The following CNTN4 variants were observed in gnomAD, a reference collection of about 807,000 sequenced individuals.
CNTN4 encodes the protein contactin 4.
CNTN4 carries 77 observed loss-of-function variants against 122.5 expected under a neutral mutation model. The ratio of observed to expected loss-of-function variants is 0.63; its 90% CI spans 0.52 to 0.76. The LOEUF (loss-of-function observed/expected upper bound fraction) is 0.76. CNTN4 is among the 30% of genes least tolerant of loss of function. The pLI is 0.00. For synonymous variants in CNTN4, 512 were observed against 447.0 expected (o/e 1.15, Z -1.83); for missense variants, 1,256 against 1,259.1 (o/e 1.00, Z 0.04).
chr3:2,247,080 A>G (rs915084078), intron 2 of CNTN4, among the ~76,000 whole-genome samples: 1 of 152,044 alleles, frequency 6.6e-6, no homozygotes, highest in African/African-American at 2.4e-5. Context: ...GTGTTCTACT[A>G]TATATTTACA....
Position 3,040,255 on chromosome 3 carries a change from G to A in CNTN4, c.2382G>A (p.Val794=), listed in dbSNP as rs772360925. The A allele has an allele frequency of 1.4e-5, 22 of 1,612,412 alleles. 2 individuals carry two copies. In the South Asian group the frequency reaches 1.6e-4, roughly 12 times the overall value. ...GCCCTTTCAGTCCCACCACGGTGGTGTATTCTGCAGAAGAAGGTATCGTTT... is the reference window on the plus strand; with the variant it reads ...GCCCTTTCAGTCCCACCACGGTGGTATATTCTGCAGAAGAAGGTATCGTTT... The part of the protein sequence containing the change: ...GEGPFSPTTV[V]YSAEEEPTKP... Residue 794 remains valine (V), a synonymous_variant, in exon 20 of 25, where the codon GTG becomes GTA. Transcript: ENST00000418658.
Position 2,598,818 on chromosome 3 carries a change from AAAGGGG to A in CNTN4, c.55+27261_55+27266del, listed in dbSNP as rs1410581324. Among the ~76,000 whole-genome samples, 247 of 152,334 alleles carry A rather than the reference AAAGGGG, an allele frequency of 1.6e-3. 1 individual carries two copies. The highest frequency in any genetic ancestry group is 5.0e-3 in the African/African-American group (206 of 41,586). ...AATGTCCCTCCAACATATATACATGAAAGGGGTATTAAAGATCCACTCTCTTGGTTT... is the reference window on the plus strand; with the variant it reads ...AATGTCCCTCCAACATATATACATGATATTAAAGATCCACTCTCTTGGTTT... On this transcript the variant is annotated intron_variant, in intron 4 of 24. Transcript: ENST00000418658.
In CNTN4 at chr3:2,300,974, G is replaced by T. The variant is rs551809259; in HGVS notation, c.-144-38204G>T. Among the ~76,000 whole-genome samples the T allele has an allele frequency of 9.9e-5, 15 of 152,222 alleles. No individual in the cohort carries two copies. In the South Asian group the frequency reaches 3.1e-3, roughly 32 times the overall value. On this transcript the variant is annotated intron_variant, in intron 2 of 24. Transcript: ENST00000418658. ...CAGATAGGAACTTGATTTACCTGCA[G>T]GAAGTGACAGCTTAGTAAATGATCC...
At chr3:3,011,619 A>G (rs1039425130) in intron 14 of CNTN4, among the ~76,000 whole-genome samples, 3 of 152,134 alleles carry the variant, frequency 2.0e-5, no homozygotes, top group African/African-American at 7.2e-5. Context: ...TCCTTATGAT[A>G]CTTTCACTAG....
intron 13 of CNTN4, among the ~76,000 whole-genome samples, chr3:2,980,594 G>A (rs1462326992): frequency 1.3e-5 from 2 of 152,150 alleles, no homozygotes; most frequent in Non-Finnish European, 2.9e-5. Flanking sequence ...TTAAAGCGGC[G>A]CTGTTGTCTG....
chr3:2,626,460 G>A (rs1000014272), intron 4 of CNTN4, among the ~76,000 whole-genome samples: 3 of 149,748 alleles, frequency 2.0e-5, no homozygotes, highest in Admixed American at 7.0e-5. Context: ...TCGCGCCACC[G>A]CACTCCAGCC....
intron 20 of CNTN4, among the ~76,000 whole-genome samples, chr3:3,041,827 A>C (rs1046272443): frequency 2.6e-5 from 4 of 152,106 alleles, no homozygotes; most frequent in Non-Finnish European, 5.9e-5. Flanking sequence ...GCGTGTTGGC[A>C]CATGTGTGTG....
rs557604010 is a variant in CNTN4, at chr3:2,555,721, G to A, written c.-88-15695G>A. ...CAGTGCATAGTACAACTCTAATATA[G>A]ATTTATGCTGCAGAGATGGGTGAGA... On this transcript the variant is annotated intron_variant, in intron 3 of 24. Transcript: ENST00000418658. Among the ~76,000 whole-genome samples the A allele has an allele frequency of 8.5e-5, 13 of 152,288 alleles. No homozygotes were observed. In the South Asian group the frequency reaches 2.5e-3, roughly 29 times the overall value.
Position 2,730,053 on chromosome 3 carries a change from G to A in CNTN4, c.56-6162G>A, listed in dbSNP as rs190315721. On this transcript the variant is annotated intron_variant, in intron 4 of 24. Transcript: ENST00000418658. ...ATCTACCTGTTAACAAGCACTCTTA[G>A]CTAAGGTCATAGAGGTTCAGTATCC... Among the ~76,000 whole-genome samples, 46 of 152,310 alleles carry A rather than the reference G, an allele frequency of 3.0e-4. No homozygotes were observed. The East Asian group carries it at 8.5e-3, about 28-fold the overall frequency.
intron 6 of CNTN4, among the ~76,000 whole-genome samples, chr3:2,803,570 T>G (rs531072568): frequency 1.7e-3 from 254 of 151,720 alleles, no homozygotes; most frequent in Middle Eastern, 0.014. Flanking sequence ...TTTTTTTTTT[T>G]TTTGTTTGAG....
intron 3 of CNTN4, among the ~76,000 whole-genome samples, chr3:2,535,104 C>G (rs1212510927): frequency 2.0e-5 from 3 of 152,086 alleles, no homozygotes; most frequent in Non-Finnish European, 2.9e-5. Context: ...ATAGGAATAC[C>G]TGTCTATTAT....
chr3:2,554,272 T>C (rs1183840460), intron 3 of CNTN4, among the ~76,000 whole-genome samples: 1 of 152,174 alleles, frequency 6.6e-6, no homozygotes, highest in Non-Finnish European at 1.5e-5. Flanking sequence ...TTTTGGTAAA[T>C]GTGTTTATAT....
intron 8 of CNTN4, among the ~76,000 whole-genome samples, chr3:2,871,854 CAT>C (rs1473718218): frequency 6.6e-6 from 1 of 152,132 alleles, no homozygotes; most frequent in Non-Finnish European, 1.5e-5. Context: ...TTCTGGGACA[CAT>C]AAAAATATGA....
At chr3:2,454,934 C>T (rs1220770168) in intron 3 of CNTN4, among the ~76,000 whole-genome samples, 1 of 152,004 alleles carries the variant, frequency 6.6e-6, no homozygotes, top group Non-Finnish European at 1.5e-5. Context: ...TCATAATAAG[C>T]GTTTTGGAAG....
At chr3:2,424,868 C>A (rs1229274794) in intron 3 of CNTN4, among the ~76,000 whole-genome samples, 1 of 152,150 alleles carries the variant, frequency 6.6e-6, no homozygotes, top group Admixed American at 6.5e-5. Context: ...TGTCTTTCTT[C>A]TTTTGAGAAG....
At chr3:2,370,016 C>T (rs977292595) in intron 3 of CNTN4, among the ~76,000 whole-genome samples, 2 of 152,050 alleles carry the variant, frequency 1.3e-5, no homozygotes, top group Non-Finnish European at 2.9e-5. Context: ...TTGATAGTGC[C>T]GGAACACAGC....
At chr3:2,123,590 C>G (rs2033933571) in intron 2 of CNTN4, among the ~76,000 whole-genome samples, 2 of 152,156 alleles carry the variant, frequency 1.3e-5, no homozygotes, top group Non-Finnish European at 2.9e-5. Flanking sequence ...CATGCTGACC[C>G]TACTCTCATG....
In CNTN4 at chr3:2,932,388, T is replaced by A. The variant is rs555980804; in HGVS notation, c.1358+6609T>A. On this transcript the variant is annotated intron_variant, in intron 13 of 24. Transcript: ENST00000418658. ...GCGAGACTCCGTCTCAAAAAATAAA[T>A]AAAAAATAAAAAATAAGTACAAATT... Among the ~76,000 whole-genome samples, 188 of 152,020 alleles carry A rather than the reference T, an allele frequency of 1.2e-3. 2 individuals carry two copies. Among genetic ancestry groups the A allele is most frequent in the Non-Finnish European group, 2.2e-3 (148 of 67,968 alleles).
intron 3 of CNTN4, among the ~76,000 whole-genome samples, chr3:2,478,174 A>G (rs1015297754): frequency 1.3e-5 from 2 of 152,194 alleles, no homozygotes; most frequent in Non-Finnish European, 2.9e-5. Flanking sequence ...AGGAAAATGC[A>G]TTCTACAAAG....
Sources: gnomAD v4.1 joint callset for allele counts (sites outside exome capture counted in the v4.1 genomes callset) on GRCh38, gnomAD v4.1.1 for gene constraint, MANE v1.5 for transcripts, NCBI Gene and HGNC (gene_info 2026-07-23, HGNC 2026-07-21) for gene names.